MRPL48: variants seen among roughly 807,000 people sequenced by gnomAD.
The protein encoded by MRPL48 is large ribosomal subunit protein mL48.
A neutral mutation model predicts 32.9 loss-of-function variants in MRPL48; 16 were observed. The ratio of observed to expected loss-of-function variants is 0.49; its 90% CI spans 0.33 to 0.74. The LOEUF is 0.74. Among genes scored for constraint, MRPL48 ranks in the 30% least tolerant of loss-of-function variants. The pLI, the probability that MRPL48 is intolerant of heterozygous loss-of-function variation, is 0.02. For missense variants in MRPL48, 206 were observed against 245.3 expected (o/e 0.84, Z 1.07); for synonymous variants, 94 against 89.2 (o/e 1.05, Z -0.31).
chr11:73,840,049 C>T (rs1192580064), intron 4 of MRPL48, among the ~76,000 whole-genome samples: 2 of 150,336 alleles, frequency 1.3e-5, no homozygotes, highest in Admixed American at 6.6e-5. Context: ...AGTGAGCTAC[C>T]GTTGTGTCAC....
chr11:73,831,537 GA>G (rs1947993552), intron 4 of MRPL48, among the ~76,000 whole-genome samples: 1 of 152,030 alleles, frequency 6.6e-6, no homozygotes. Flanking sequence ...CGTATCTCCA[GA>G]CCTAGCATCC....
intron 1 of MRPL48, among the ~76,000 whole-genome samples, chr11:73,800,552 G>A (rs1658365057): frequency 6.6e-6 from 1 of 152,078 alleles, no homozygotes; most frequent in Non-Finnish European, 1.5e-5. Flanking sequence ...GTTACCCAGT[G>A]CAGCATCTGT....
chr11:73,864,014 A>G (rs1948627810), intron 7 of MRPL48, among the ~76,000 whole-genome samples: 2 of 152,048 alleles, frequency 1.3e-5, no homozygotes, highest in East Asian at 3.8e-4. Context: ...CTCTCTCTCA[A>G]ATGCTTCTAT....
intron 5 of MRPL48, among the ~76,000 whole-genome samples, chr11:73,848,902 C>T (rs1255316404): frequency 6.6e-6 from 1 of 152,000 alleles, no homozygotes; most frequent in African/African-American, 2.4e-5. Context: ...TCACTGCTAC[C>T]TCCATCTCCT....
intron 3 of MRPL48, among the ~76,000 whole-genome samples, chr11:73,810,571 T>G (rs1947548597): frequency 6.6e-6 from 1 of 151,572 alleles, no homozygotes; most frequent in Non-Finnish European, 1.5e-5. Context: ...TTTTTTTTTT[T>G]TATTGTAATT....
intron 3 of MRPL48, among the ~76,000 whole-genome samples, chr11:73,818,719 C>G (rs1005064486): frequency 6.6e-6 from 1 of 152,100 alleles, no homozygotes; most frequent in Non-Finnish European, 1.5e-5. Flanking sequence ...CCTGCATAGC[C>G]CTGTTAAAAA....
intron 3 of MRPL48, among the ~76,000 whole-genome samples, chr11:73,811,320 C>A (rs1947561881): frequency 6.6e-6 from 1 of 151,796 alleles, no homozygotes; most frequent in African/African-American, 2.4e-5. Context: ...CATGAGGTGA[C>A]AAGTGAATGA....
chr11:73,801,358 G>A (rs1011281412), intron 1 of MRPL48, among the ~76,000 whole-genome samples: 1 of 152,148 alleles, frequency 6.6e-6, no homozygotes, highest in African/African-American at 2.4e-5. Context: ...TAACTTCAAA[G>A]TACATAGCTA....
chr11:73,803,122 G>C (rs1160329061), intron 1 of MRPL48, among the ~76,000 whole-genome samples: 1 of 151,970 alleles, frequency 6.6e-6, no homozygotes, highest in Non-Finnish European at 1.5e-5. Context: ...CTTTACATTA[G>C]TGTGATTTAT....
intron 7 of MRPL48, among the ~76,000 whole-genome samples, chr11:73,863,975 C>T (rs558227171): frequency 3.3e-5 from 5 of 152,164 alleles, no homozygotes; most frequent in African/African-American, 9.6e-5. Flanking sequence ...TGTTTTATTT[C>T]CTATGTAAAT....
intron 3 of MRPL48, among the ~76,000 whole-genome samples, chr11:73,815,222 C>T (rs1229105454): frequency 6.6e-6 from 1 of 151,920 alleles, no homozygotes; most frequent in Non-Finnish European, 1.5e-5. Context: ...TCACGACCAG[C>T]CTGACCAACA....
chr11:73,844,988 G>A lies in MRPL48; in HGVS notation c.371+12G>A, dbSNP rs1308308777. The A allele has an allele frequency of 1.3e-6, 2 of 1,595,948 alleles. No individual in the cohort carries two copies. Among genetic ancestry groups the A allele is most frequent in the Non-Finnish European group, 1.7e-6 (2 of 1,168,298 alleles). ...AAAGTCGAGGAAAGGTATGAAGGATGCTTTTGTATGGGATGTTCTTGGTGT... is the reference window on the plus strand; with the variant it reads ...AAAGTCGAGGAAAGGTATGAAGGATACTTTTGTATGGGATGTTCTTGGTGT... On this transcript the variant is annotated intron_variant, in intron 5 of 7. Transcript: ENST00000310614.
At chr11:73,824,706 GA>G (rs1947852018) in intron 3 of MRPL48, among the ~76,000 whole-genome samples, 1 of 152,002 alleles carries the variant, frequency 6.6e-6, no homozygotes, top group Non-Finnish European at 1.5e-5. Flanking sequence ...AAGGCGAAAG[GA>G]TTTTTTTTTC....
intron 2 of MRPL48, 77 bp from the exon 3 acceptor site, chr11:73,808,236 G>A (rs1947495399): frequency 1.5e-6 from 2 of 1,367,468 alleles, no homozygotes; most frequent in Non-Finnish European, 2.0e-6. Context: ...TTTAGTGATA[G>A]AATATAAATT....
chr11:73,846,279 G>C (rs1948285745), intron 5 of MRPL48, among the ~76,000 whole-genome samples: 1 of 151,784 alleles, frequency 6.6e-6, no homozygotes, highest in African/African-American at 2.4e-5. Flanking sequence ...TATCCTCAAA[G>C]GTCATCCATG....
intron 4 of MRPL48, among the ~76,000 whole-genome samples, chr11:73,836,819 A>C (rs1948111975): frequency 6.6e-6 from 1 of 152,222 alleles, no homozygotes; most frequent in Non-Finnish European, 1.5e-5. Context: ...GAGGAAACTG[A>C]GGCCTAGAAA....
chr11:73,837,038 C>T (rs1463704515), intron 4 of MRPL48, among the ~76,000 whole-genome samples: 1 of 152,126 alleles, frequency 6.6e-6, no homozygotes, highest in African/African-American at 2.4e-5. Context: ...CCTCACAGCT[C>T]ATTATGGACT....
At chr11:73,805,809 C>T (rs1377052756) in intron 2 of MRPL48, among the ~76,000 whole-genome samples, 1 of 151,830 alleles carries the variant, frequency 6.6e-6, no homozygotes, top group Non-Finnish European at 1.5e-5. Flanking sequence ...CAGGCATGTA[C>T]TAGCATGCCC....
intron 3 of MRPL48, among the ~76,000 whole-genome samples, chr11:73,809,959 A>AT (rs1947536699): frequency 6.6e-6 from 1 of 152,208 alleles, no homozygotes; most frequent in African/African-American, 2.4e-5. Context: ...TCTCAAAATA[A>AT]TGGGCTTCTT....
Sources: gnomAD v4.1 joint callset for allele counts (sites outside exome capture counted in the v4.1 genomes callset) on GRCh38, gnomAD v4.1.1 for gene constraint, MANE v1.5 for transcripts, NCBI Gene and HGNC (gene_info 2026-07-23, HGNC 2026-07-21) for gene names.